LRBA: variants seen among roughly 807,000 people sequenced by gnomAD.
LRBA encodes LPS responsive beige-like anchor protein, also known as lipopolysaccharide-responsive and beige-like anchor protein.
LRBA carries 176 observed loss-of-function variants against 330.0 expected under a neutral mutation model. That is an observed-to-expected ratio of 0.53 (90% CI 0.47 to 0.60). The LOEUF is 0.60. LRBA is among the 20% of genes least tolerant of loss of function. LRBA has a pLI of 0.00. For missense variants in LRBA, 3,259 were observed against 3,444.8 expected (o/e 0.95, Z 1.35); for synonymous variants, 1,230 against 1,193.0 (o/e 1.03, Z -0.64).
At chr4:150,316,156 A>C (rs1348456852) in intron 50 of LRBA, among the ~76,000 whole-genome samples, 1 of 152,192 alleles carries the variant, frequency 6.6e-6, no homozygotes, top group African/African-American at 2.4e-5. Context: ...TCCGCAGATA[A>C]ATGTTTTAGT....
chr4:150,798,161 T>A lies in LRBA; in HGVS notation c.5519-19A>T. On this transcript the variant is annotated intron_variant, in intron 33 of 56. Coordinates refer to ENST00000651943, the MANE Select transcript of LRBA (RefSeq NM_001364905.1). ...ACCAGACCTATTTTAAAGAGAATTT[T>A]AAAAAAGAAGTTATAAAGAAAACAA... 1 of 1,520,266 alleles carries A rather than the reference T, an allele frequency of 6.6e-7. No individual in the cohort carries two copies. The highest frequency in any genetic ancestry group is 1.4e-5 in the African/African-American group (1 of 73,334). 94.2% of individuals were successfully genotyped at this position (1,520,266 alleles called of 1,614,324 possible).
At chr4:150,504,616 C>T (rs555917101) in intron 40 of LRBA, among the ~76,000 whole-genome samples, 1 of 152,336 alleles carries the variant, frequency 6.6e-6, no homozygotes, top group African/African-American at 2.4e-5. Flanking sequence ...AAAGGAACAA[C>T]TGGTACCAGC....
chr4:150,458,086 T>A (rs963327112), intron 44 of LRBA, among the ~76,000 whole-genome samples: 3 of 151,904 alleles, frequency 2.0e-5, no homozygotes, highest in Non-Finnish European at 4.4e-5. Context: ...CTTTGGAGGC[T>A]GCTTGAATTA....
intron 47 of LRBA, among the ~76,000 whole-genome samples, chr4:150,372,105 G>A (rs1740410505): frequency 6.6e-6 from 1 of 152,056 alleles, no homozygotes; most frequent in African/African-American, 2.4e-5. Context: ...TAATTTTTCT[G>A]TCAGATGCTC....
intron 28 of LRBA, among the ~76,000 whole-genome samples, chr4:150,839,397 A>C (rs1278676277): frequency 6.6e-6 from 1 of 152,212 alleles, no homozygotes; most frequent in Non-Finnish European, 1.5e-5. Flanking sequence ...GTATATACTC[A>C]AAGGATTATA....
At position 150,868,298 on chromosome 4, in the gene LRBA, T is replaced by C; in HGVS notation, c.2457A>G (p.Leu819=). 1 of 1,610,638 alleles carries C rather than the reference T, an allele frequency of 6.2e-7. No homozygotes were observed. Among genetic ancestry groups the C allele is most frequent in the East Asian group, 2.2e-5 (1 of 44,814 alleles). The change falls in exon 21 of 57, where the codon CTA becomes CTG. Residue 819 remains leucine (L), a synonymous_variant. Transcript: ENST00000651943. The part of the protein sequence containing the change: ...SSVKIQNPQI[L]KVIATLLRNS... Reference sequence around the variant, plus strand: ...TTCGAAGTAGGGTCGCAATTACTTTTAGTATCTCTGTAAGACAGTTTATAA... The same window carrying C: ...TTCGAAGTAGGGTCGCAATTACTTTCAGTATCTCTGTAAGACAGTTTATAA...
intron 28 of LRBA, among the ~76,000 whole-genome samples, chr4:150,841,626 C>CT (rs368344422): frequency 6.6e-5 from 10 of 150,804 alleles, no homozygotes; most frequent in South Asian, 2.1e-4. Flanking sequence ...GGTCATTTCC[C>CT]TTTTTTTTTC....
At chr4:150,977,963 C>T (rs925346990) in intron 2 of LRBA, among the ~76,000 whole-genome samples, 3 of 152,260 alleles carry the variant, frequency 2.0e-5, no homozygotes, top group South Asian at 2.1e-4. Context: ...AGGAAACACG[C>T]TACCCTGAAG....
At chr4:150,680,932 C>T (rs4336207) in intron 37 of LRBA, among the ~76,000 whole-genome samples, 132,958 of 152,218 alleles carry the variant, frequency 0.87, 58,625 homozygotes, top group Non-Finnish European at 0.95. Flanking sequence ...GGGAAAGTAT[C>T]AGGCCTACAT....
chr4:150,569,126 A>T (rs1383820915), intron 40 of LRBA, among the ~76,000 whole-genome samples: 1 of 152,098 alleles, frequency 6.6e-6, no homozygotes, highest in Admixed American at 6.6e-5. Flanking sequence ...TAAATGTTTC[A>T]TATGTGCTAT....
intron 47 of LRBA, among the ~76,000 whole-genome samples, chr4:150,406,185 G>A (rs914481880): frequency 6.6e-6 from 1 of 151,942 alleles, no homozygotes; most frequent in Non-Finnish European, 1.5e-5. Flanking sequence ...GATGATAAAG[G>A]AGGAACAGAA....
chr4:150,826,423 C>T (rs1746289673), intron 30 of LRBA, among the ~76,000 whole-genome samples: 1 of 152,114 alleles, frequency 6.6e-6, no homozygotes, highest in South Asian at 2.1e-4. Context: ...TGTGCAAATG[C>T]AGTTGGGTTT....
At chr4:151,010,549 G>T (rs1177438868) in intron 2 of LRBA, among the ~76,000 whole-genome samples, 1 of 151,784 alleles carries the variant, frequency 6.6e-6, no homozygotes, top group African/African-American at 2.4e-5. Flanking sequence ...ACAGACTAAG[G>T]TCAAGCTACA....
chr4:150,563,061 T>C (rs1394286659), intron 40 of LRBA, among the ~76,000 whole-genome samples: 1 of 152,166 alleles, frequency 6.6e-6, no homozygotes, highest in Admixed American at 6.5e-5. Flanking sequence ...CCTCTAAAAG[T>C]GCTGGGATTA....
chr4:150,286,077 C>A (rs1021386661), intron 53 of LRBA, 43 bp from the exon 54 acceptor site: 4 of 1,276,380 alleles, frequency 3.1e-6, no homozygotes, highest in African/African-American at 1.5e-5. Flanking sequence ...AATTCAATTT[C>A]ATGCATATTA....
chr4:150,803,894 C>T (rs1742154693), intron 33 of LRBA, among the ~76,000 whole-genome samples: 1 of 151,832 alleles, frequency 6.6e-6, no homozygotes, highest in Non-Finnish European at 1.5e-5. Flanking sequence ...TAGAAGTGTC[C>T]ATTGCTAATG....
chr4:150,270,517 C>T (rs896376901), intron 56 of LRBA, among the ~76,000 whole-genome samples: 1 of 152,146 alleles, frequency 6.6e-6, no homozygotes, highest in Non-Finnish European at 1.5e-5. Context: ...GTAGCATGCA[C>T]ATGAGCTGGT....
At chr4:150,448,834 T>G (rs905941714) in intron 44 of LRBA, among the ~76,000 whole-genome samples, 1,283 of 33,812 alleles carry the variant, frequency 0.038, 1 homozygote, top group African/African-American at 0.082. Flanking sequence ...GGGGGGGGGG[T>G]GGGCAGGAAA....
intron 24 of LRBA, among the ~76,000 whole-genome samples, chr4:150,850,212 G>T (rs1043669192): frequency 1.3e-5 from 2 of 151,360 alleles, no homozygotes; most frequent in Non-Finnish European, 2.9e-5. Flanking sequence ...TCCTACCTCA[G>T]CCTCCTGAGT....
Sources: gnomAD v4.1 joint callset for allele counts (sites outside exome capture counted in the v4.1 genomes callset) on GRCh38, gnomAD v4.1.1 for gene constraint, MANE v1.5 for transcripts, NCBI Gene and HGNC (gene_info 2026-07-23, HGNC 2026-07-21) for gene names.